Variants in EDIL3 observed in about 807,000 individuals in gnomAD.
EDIL3 encodes the protein EGF like and discoidin domains 3, also known as EGF-like repeat and discoidin I-like domain-containing protein 3.
Under a neutral mutation model 67.4 loss-of-function variants are expected in EDIL3, and 37 were observed. The ratio of observed to expected loss-of-function variants is 0.55; its 90% CI spans 0.42 to 0.72. EDIL3 has a LOEUF of 0.72. Ranked by LOEUF, EDIL3 falls within the 30% of genes least tolerant of loss-of-function variation. The pLI is 0.00. For missense variants in EDIL3, 527 were observed against 586.3 expected, an observed-to-expected ratio of 0.90 and a Z score of 1.04; for synonymous variants, 195 against 196.3, an observed-to-expected ratio of 0.99 and a Z score of 0.05.
At chr5:84,164,284 A>C (rs1291617919) in intron 4 of EDIL3, among the ~76,000 whole-genome samples, 1 of 152,156 alleles carries the variant, frequency 6.6e-6, no homozygotes, top group Non-Finnish European at 1.5e-5. Flanking sequence ...TTGTCTATGT[A>C]GATAAAATAG....
chr5:84,229,941 G>A (rs946521169), intron 2 of EDIL3, 57 bp from the exon 3 acceptor site: 4 of 1,422,198 alleles, frequency 2.8e-6, no homozygotes, highest in African/African-American at 2.9e-5. Context: ...GGAGGGAGAA[G>A]GGGGGAGAGA....
intron 9 of EDIL3, among the ~76,000 whole-genome samples, chr5:84,031,951 G>A (rs1196035467): frequency 1.3e-5 from 2 of 152,194 alleles, no homozygotes; most frequent in Non-Finnish European, 2.9e-5. Context: ...AAGCACAAAA[G>A]TAGTATTTGA....
At chr5:84,278,083 C>T (rs763727942) in intron 1 of EDIL3, among the ~76,000 whole-genome samples, 1 of 152,064 alleles carries the variant, frequency 6.6e-6, no homozygotes, top group Non-Finnish European at 1.5e-5. Flanking sequence ...AGTCTGTTGT[C>T]TCTATTTTAT....
intron 6 of EDIL3, 31 bp downstream of exon 6, chr5:84,106,618 A>G (rs1333349955): frequency 6.5e-7 from 1 of 1,529,506 alleles, no homozygotes; most frequent in South Asian, 1.3e-5. Context: ...AATGACTTAT[A>G]ACATTAACCT....
At chr5:83,953,523 T>G (rs1744455578) in intron 10 of EDIL3, among the ~76,000 whole-genome samples, 1 of 151,842 alleles carries the variant, frequency 6.6e-6, no homozygotes, top group Non-Finnish European at 1.5e-5. Context: ...AGTTATATTA[T>G]TTTCACTCAT....
chr5:84,071,666 G>A (rs1389307287), intron 6 of EDIL3, among the ~76,000 whole-genome samples: 1 of 152,188 alleles, frequency 6.6e-6, no homozygotes, highest in East Asian at 1.9e-4. Flanking sequence ...AAGGGAAGAG[G>A]ATGGATTGCT....
chr5:83,996,663 G>A (rs1387104675), intron 9 of EDIL3, among the ~76,000 whole-genome samples: 1 of 152,142 alleles, frequency 6.6e-6, no homozygotes, highest in Non-Finnish European at 1.5e-5. Flanking sequence ...TAAACAGGAA[G>A]TAACAATGCA....
intron 4 of EDIL3, among the ~76,000 whole-genome samples, chr5:84,149,980 A>G (rs1748359219): frequency 6.6e-6 from 1 of 152,112 alleles, no homozygotes; most frequent in African/African-American, 2.4e-5. Context: ...TCTAAAATAG[A>G]TGTGATTGGA....
chr5:84,139,671 C>T (rs1748155144), intron 4 of EDIL3, among the ~76,000 whole-genome samples: 1 of 152,106 alleles, frequency 6.6e-6, no homozygotes, highest in Admixed American at 6.6e-5. Flanking sequence ...TTAGAGAAAA[C>T]ACTGCCGTAT....
intron 9 of EDIL3, among the ~76,000 whole-genome samples, chr5:84,025,960 T>C (rs544770947): frequency 1.3e-5 from 2 of 152,230 alleles, no homozygotes; most frequent in South Asian, 2.1e-4. Context: ...CAATGGCTCA[T>C]TGGGTTTGGG....
chr5:84,133,411 T>C (rs1231159575), intron 5 of EDIL3, among the ~76,000 whole-genome samples: 2 of 141,700 alleles, frequency 1.4e-5, no homozygotes, highest in Non-Finnish European at 3.0e-5. Context: ...TCATTCAAGG[T>C]CAGGAGTTTG....
At chr5:84,380,688 T>C (rs2112224261) in intron 1 of EDIL3, among the ~76,000 whole-genome samples, 1 of 152,196 alleles carries the variant, frequency 6.6e-6, no homozygotes, top group Non-Finnish European at 1.5e-5. Flanking sequence ...ATACAGTTCA[T>C]CCCATTATGC....
At chr5:84,183,865 G>A (rs770391329) in intron 3 of EDIL3, among the ~76,000 whole-genome samples, 4 of 152,152 alleles carry the variant, frequency 2.6e-5, no homozygotes, top group Non-Finnish European at 2.9e-5. Context: ...CAGCATCTTG[G>A]GAGGCAGAGG....
At chr5:84,317,578 G>A (rs571785627) in intron 1 of EDIL3, among the ~76,000 whole-genome samples, 1 of 152,024 alleles carries the variant, frequency 6.6e-6, no homozygotes, top group Non-Finnish European at 1.5e-5. Context: ...CCAATAACAG[G>A]TTCTAAAATT....
At chr5:84,163,057 A>C (rs150694407) in intron 4 of EDIL3, among the ~76,000 whole-genome samples, 1,530 of 152,250 alleles carry the variant, frequency 0.01, 33 homozygotes, top group African/African-American at 0.035. Flanking sequence ...GTGGGCTTTT[A>C]AATCGACCAA....
intron 1 of EDIL3, among the ~76,000 whole-genome samples, chr5:84,352,838 C>A (rs1747390045): frequency 6.6e-6 from 1 of 151,888 alleles, no homozygotes; most frequent in South Asian, 2.1e-4. Flanking sequence ...GATACAATGG[C>A]CCAAAAAATA....
chr5:84,163,062 G>A (rs199526007), intron 4 of EDIL3, among the ~76,000 whole-genome samples: 64 of 152,014 alleles, frequency 4.2e-4, no homozygotes, highest in East Asian at 1.5e-3. Flanking sequence ...CTTTTAAATC[G>A]ACCAAGACTC....
intron 1 of EDIL3, among the ~76,000 whole-genome samples, chr5:84,273,446 T>G (rs1465383874): frequency 6.6e-6 from 1 of 152,180 alleles, no homozygotes; most frequent in Non-Finnish European, 1.5e-5. Context: ...AATCTCTTCA[T>G]GTTTTGCTCC....
intron 1 of EDIL3, among the ~76,000 whole-genome samples, chr5:84,340,457 TTAG>T (rs1747080615): frequency 6.8e-6 from 1 of 147,896 alleles, no homozygotes; most frequent in South Asian, 2.2e-4. Flanking sequence ...GGAATTTTAA[TTAG>T]TAGCTATTAT....
Sources: gnomAD v4.1 joint callset for allele counts (sites outside exome capture counted in the v4.1 genomes callset) on GRCh38, gnomAD v4.1.1 for gene constraint, MANE v1.5 for transcripts, NCBI Gene and HGNC (gene_info 2026-07-23, HGNC 2026-07-21) for gene names.